The following WDR88 variants were observed in gnomAD, a reference collection of about 807,000 sequenced individuals.
The protein encoded by WDR88 is WD repeat-containing protein 88.
WDR88 carries 40 observed loss-of-function variants against 46.8 expected under a neutral mutation model. The ratio of observed to expected loss-of-function variants is 0.86; its 90% CI spans 0.66 to 1.11. WDR88 has a LOEUF of 1.11. Among genes scored for constraint, WDR88 ranks in the 50% most tolerant of loss-of-function variants. The pLI is 0.00. For synonymous variants in WDR88, 235 were observed against 240.7 expected (o/e 0.98, Z 0.22); for missense variants, 562 against 602.4 (o/e 0.93, Z 0.70).
rs1433490713 is a variant in WDR88, at chr19:33,157,683, GTATGTATATATA to G, written c.997+1145_997+1156del. 4.8e-3 allele frequency among the ~76,000 whole-genome samples: 31 copies of G among 6,448 alleles called. 1 individual carries two copies. Among genetic ancestry groups the G allele is most frequent in the East Asian group, 9.3e-3 (5 of 536 alleles). The allele number at this position is 6,448 out of a possible 152,430, so 4.2% of individuals were successfully genotyped here. On this transcript the variant is annotated intron_variant, in intron 7 of 10. Coordinates refer to ENST00000355868, the MANE Select transcript of WDR88 (RefSeq NM_173479.4). Reference sequence around the variant, plus strand: ...TATGTATGTATGTGTGTGTGTGTATGTATGTATATATATATATATATATATATATATATATAT... The same window carrying G: ...TATGTATGTATGTGTGTGTGTGTATGTATATATATATATATATATATATAT...
chr19:33,154,835 C>T (rs144658733), intron 6 of WDR88, among the ~76,000 whole-genome samples: 39 of 152,212 alleles, frequency 2.6e-4, no homozygotes, highest in African/African-American at 5.5e-4. Context: ...AGGTTTATCC[C>T]GGATGGCCCT....
At chr19:33,135,290 C>A (rs1973239881) in intron 1 of WDR88, among the ~76,000 whole-genome samples, 1 of 152,174 alleles carries the variant, frequency 6.6e-6, no homozygotes, top group Non-Finnish European at 1.5e-5. Context: ...TAGAATCAAG[C>A]CATACGTGGT....
intron 10 of WDR88, chr19:33,174,973 G>A (rs567406612): frequency 5.8e-5 from 57 of 985,316 alleles, no homozygotes; most frequent in East Asian, 1.1e-4. Flanking sequence ...AGTGGCTCAC[G>A]CCTGTAATCC....
intron 2 of WDR88, among the ~76,000 whole-genome samples, chr19:33,140,408 C>T (rs1042840363): frequency 1.3e-5 from 2 of 152,198 alleles, no homozygotes; most frequent in African/African-American, 4.8e-5. Flanking sequence ...AATCCTCCCG[C>T]CTCAGCTTCC....
chr19:33,150,187 C>T (rs1030095748), intron 5 of WDR88, among the ~76,000 whole-genome samples: 1 of 151,886 alleles, frequency 6.6e-6, no homozygotes, highest in Non-Finnish European at 1.5e-5. Flanking sequence ...CGTGGTGGCT[C>T]ATGCCTGTAA....
At chr19:33,174,163 TC>T (rs1337124869) in intron 10 of WDR88, 5 of 1,536,164 alleles carry the variant, frequency 3.3e-6, no homozygotes, top group Admixed American at 2.0e-5. Flanking sequence ...TGGGATCTAA[TC>T]TATTTCTTGC....
At chr19:33,159,203 G>T (rs2145406708) in intron 7 of WDR88, among the ~76,000 whole-genome samples, 1 of 151,916 alleles carries the variant, frequency 6.6e-6, no homozygotes, top group African/African-American at 2.4e-5. Context: ...AGGTGTGCTG[G>T]CACCTGCTTG....
intron 8 of WDR88, among the ~76,000 whole-genome samples, chr19:33,162,502 C>T (rs76787553): frequency 0.1 from 15,904 of 151,668 alleles, 1,658 homozygotes; most frequent in African/African-American, 0.28. Context: ...CATGGAGCAC[C>T]GCGCCCGGCC....
chr19:33,149,728 G>A (rs974514499), intron 5 of WDR88, among the ~76,000 whole-genome samples: 1 of 151,592 alleles, frequency 6.6e-6, no homozygotes, highest in South Asian at 2.1e-4. Flanking sequence ...GTGCGATCTC[G>A]GGTCACCTCA....
At chr19:33,161,634 C>T (rs998896866) in intron 8 of WDR88, among the ~76,000 whole-genome samples, 10 of 152,084 alleles carry the variant, frequency 6.6e-5, no homozygotes, top group Non-Finnish European at 1.0e-4. Flanking sequence ...AGCAAATAAA[C>T]GGATTAAAAT....
intron 1 of WDR88, among the ~76,000 whole-genome samples, chr19:33,137,152 A>G (rs1973285354): frequency 6.8e-6 from 1 of 146,490 alleles, no homozygotes; most frequent in South Asian, 2.1e-4. Flanking sequence ...CAGTCTCACT[A>G]TGTTGCCCAG....
chr19:33,140,564 C>A (rs1035298374), intron 2 of WDR88, among the ~76,000 whole-genome samples: 8 of 152,140 alleles, frequency 5.3e-5, no homozygotes, highest in African/African-American at 1.9e-4. Flanking sequence ...CCGAGGCGAG[C>A]AAATCACCTG....
In WDR88 at chr19:33,156,647, C is replaced by T. The variant is rs1031899440; in HGVS notation, c.997+105C>T. On this transcript the variant is annotated intron_variant, in intron 7 of 10. Transcript: ENST00000355868. ...GAGAGGCAATTTCCAATGATGCTGACAGGGAGGGCGGATTCTTCCCCACGA... is the reference window on the plus strand; with the variant it reads ...GAGAGGCAATTTCCAATGATGCTGATAGGGAGGGCGGATTCTTCCCCACGA... 7.0e-5 allele frequency: 91 copies of T among 1,308,898 alleles called. 1 individual carries two copies. The Middle Eastern group carries it at 8.2e-4, about 12-fold the overall frequency. 81.1% of individuals were successfully genotyped at this position (1,308,898 alleles called of 1,614,324 possible).
intron 2 of WDR88, among the ~76,000 whole-genome samples, chr19:33,138,933 C>T (rs569848429): frequency 5.3e-5 from 8 of 152,166 alleles, no homozygotes; most frequent in South Asian, 4.1e-4. Flanking sequence ...CTACCTGCTT[C>T]GGCCTCCCAA....
intron 9 of WDR88, among the ~76,000 whole-genome samples, chr19:33,170,212 G>C (rs965657853): frequency 6.9e-6 from 1 of 145,772 alleles, no homozygotes; most frequent in Admixed American, 6.8e-5. Flanking sequence ...GGGTCTTGCT[G>C]TATCGCCCAG....
At chr19:33,140,546 T>C (rs969586162) in intron 2 of WDR88, among the ~76,000 whole-genome samples, 5 of 152,090 alleles carry the variant, frequency 3.3e-5, no homozygotes, top group Non-Finnish European at 7.4e-5. Flanking sequence ...TCCCAGCACT[T>C]TGGGAGGCCG....
chr19:33,156,775 T>TG (rs1941074747), intron 7 of WDR88, among the ~76,000 whole-genome samples: 3 of 152,156 alleles, frequency 2.0e-5, no homozygotes, highest in African/African-American at 7.2e-5. Flanking sequence ...AATCCTGTAA[T>TG]GGAAAAGTCC....
chr19:33,160,580 G>A (rs1973848894), intron 8 of WDR88, 84 bp downstream of exon 8: 1 of 1,439,978 alleles, frequency 6.9e-7, no homozygotes, highest in Non-Finnish European at 9.7e-7. Context: ...TGGGGACACA[G>A]CTGTGAGTGA....
chr19:33,139,089 A>C (rs1044922054), intron 2 of WDR88, among the ~76,000 whole-genome samples: 1 of 152,142 alleles, frequency 6.6e-6, no homozygotes, highest in Non-Finnish European at 1.5e-5. Flanking sequence ...ATCCACAGAG[A>C]CTGGATGGCC....
Sources: gnomAD v4.1 joint callset for allele counts (sites outside exome capture counted in the v4.1 genomes callset) on GRCh38, gnomAD v4.1.1 for gene constraint, MANE v1.5 for transcripts, NCBI Gene and HGNC (gene_info 2026-07-23, HGNC 2026-07-21) for gene names.